The following ADAM12 variants were observed in gnomAD, a reference collection of about 807,000 sequenced individuals.
ADAM12 encodes ADAM metallopeptidase domain 12.
Under a neutral mutation model 106.4 loss-of-function variants are expected in ADAM12, and 70 were observed. The ratio of observed to expected loss-of-function variants is 0.66; its 90% confidence interval spans 0.54 to 0.80. ADAM12 has a LOEUF of 0.80. ADAM12 is among the 30% of genes least tolerant of loss of function. ADAM12 has a pLI of 0.00. For missense variants in ADAM12, 1,010 were observed against 1,171.9 expected, an observed-to-expected ratio of 0.86 and a Z score of 2.02; for synonymous variants, 420 against 433.5, an observed-to-expected ratio of 0.97 and a Z score of 0.39.
At position 126,218,304 on chromosome 10, in the gene ADAM12, G is replaced by A. The variant is rs568664648; in HGVS notation, c.260+60611C>T. Among the ~76,000 whole-genome samples, 16 of 152,178 alleles carry A rather than the reference G, an allele frequency of 1.1e-4. No individual in the cohort carries two copies. The South Asian group carries it at 2.9e-3, about 28-fold the overall frequency. On this transcript the variant is annotated intron_variant, in intron 3 of 22. Coordinates refer to ENST00000448723, the MANE Select transcript of ADAM12 (RefSeq NM_001288973.2). The stretch of plus-strand genomic sequence containing the variant: ...GGCCATCACAGGTAAACATGGACAC[G>A]TATTCCTTCTAACTATGTTGTTCAC...
chr10:126,223,928 T>C (rs74902851), intron 3 of ADAM12, among the ~76,000 whole-genome samples: 2,142 of 152,240 alleles, frequency 0.014, 23 homozygotes, highest in Middle Eastern at 0.034. Flanking sequence ...CCCAGACTTA[T>C]AGATGAGGAA....
chr10:126,240,435 T>G (rs1192645658), intron 3 of ADAM12, among the ~76,000 whole-genome samples: 1 of 152,200 alleles, frequency 6.6e-6, no homozygotes, highest in African/African-American at 2.4e-5. Context: ...GCATTAAGCA[T>G]AGTGGAGGAG....
At chr10:126,270,320 G>C (rs942156747) in intron 3 of ADAM12, among the ~76,000 whole-genome samples, 1 of 152,158 alleles carries the variant, frequency 6.6e-6, no homozygotes, top group South Asian at 2.1e-4. Flanking sequence ...CTGTAGGAAA[G>C]AACATTCCTG....
chr10:126,353,270 T>C (rs1423091819), intron 1 of ADAM12, among the ~76,000 whole-genome samples: 4 of 152,158 alleles, frequency 2.6e-5, no homozygotes, highest in Admixed American at 6.5e-5. Context: ...CTAGGCCAAG[T>C]CCTTGAGGTT....
intron 2 of ADAM12, among the ~76,000 whole-genome samples, chr10:126,280,835 CAA>C (rs1455054209): frequency 6.6e-6 from 1 of 152,056 alleles, no homozygotes. Flanking sequence ...TTTACTCTAG[CAA>C]AAGAGTACAA....
intron 3 of ADAM12, among the ~76,000 whole-genome samples, chr10:126,171,193 T>C (rs1380443): frequency 0.41 from 62,690 of 152,096 alleles, 13,104 homozygotes; most frequent in South Asian, 0.46. Flanking sequence ...TTAAATAGTT[T>C]AGTCAGAATG....
At chr10:126,196,091 G>T (rs1440139950) in intron 3 of ADAM12, among the ~76,000 whole-genome samples, 2 of 152,212 alleles carry the variant, frequency 1.3e-5, no homozygotes, top group African/African-American at 4.8e-5. Context: ...CTGCAACAGA[G>T]ACTGCATGGT....
chr10:126,048,300 G>A (rs1245414071), intron 16 of ADAM12, among the ~76,000 whole-genome samples: 1 of 152,174 alleles, frequency 6.6e-6, no homozygotes, highest in African/African-American at 2.4e-5. Context: ...AAAGTTAAAA[G>A]ACAAAATATG....
chr10:126,163,251 T>C (rs2133746495), intron 3 of ADAM12, among the ~76,000 whole-genome samples: 1 of 152,358 alleles, frequency 6.6e-6, no homozygotes, highest in South Asian at 2.1e-4. Flanking sequence ...CCAGCCATGC[T>C]CAGTGCTGAG....
At chr10:126,212,297 T>C (rs1460670536) in intron 3 of ADAM12, among the ~76,000 whole-genome samples, 1 of 152,222 alleles carries the variant, frequency 6.6e-6, no homozygotes, top group Non-Finnish European at 1.5e-5. Flanking sequence ...TGGGGTTAAT[T>C]AGAATTTGGA....
At chr10:126,198,351 G>T (rs1453096896) in intron 3 of ADAM12, among the ~76,000 whole-genome samples, 1 of 152,198 alleles carries the variant, frequency 6.6e-6, no homozygotes, top group Non-Finnish European at 1.5e-5. Flanking sequence ...TAAGACGACA[G>T]AATTTACACA....
At chr10:126,309,024 T>C (rs1960967110) in intron 2 of ADAM12, among the ~76,000 whole-genome samples, 2 of 152,152 alleles carry the variant, frequency 1.3e-5, no homozygotes, top group South Asian at 2.1e-4. Context: ...AACCCAGAGT[T>C]ATTTTGGGGA....
rs1855476119 is a variant in ADAM12 at position 126,354,645 on chromosome 10, A to G, written c.89-24136T>C. On this transcript the variant is annotated intron_variant, in intron 1 of 22. Transcript: ENST00000448723. ...TAAAAAAATTAGAGCTTTAATGAGA[A>G]AAGATAATGTTTAATGCCAAGAACA... Among the ~76,000 whole-genome samples the G allele has an allele frequency of 1.3e-5, 2 of 152,208 alleles. 1 individual carries two copies. The highest frequency in any genetic ancestry group is 4.1e-4 in the South Asian group (2 of 4,836).
In ADAM12 at chr10:126,049,396, C is replaced by A; in HGVS notation, c.1774G>T (p.Gly592Cys). The A allele has an allele frequency of 1.2e-6, 2 of 1,614,218 alleles. No individual in the cohort carries two copies. Among genetic ancestry groups the A allele is most frequent in the Non-Finnish European group, 1.7e-6 (2 of 1,180,052 alleles). The change falls in exon 16 of 23, where the codon GGT becomes TGT. Residue 592 changes from glycine to cysteine, a missense_variant. By Grantham distance (159) the Gly-to-Cys change is radical. Coordinates refer to ENST00000448723, the MANE Select transcript of ADAM12 (RefSeq NM_001288973.2). This position sits in a 1 kb window ranked among gnomAD's most constrained non-coding sequence, Gnocchi z 4.4. ...CQGGASRPVI[G>C]TNAVSIETNI... ...GTTTCTATGGAAACGGCATTGGTAC[C>A]AATGACTGGCCGGCTGGCACCTCCT...
chr10:126,329,105 C>A (rs1389223563), intron 2 of ADAM12, among the ~76,000 whole-genome samples: 6 of 150,312 alleles, frequency 4.0e-5, no homozygotes, highest in Admixed American at 3.4e-4. Context: ...GTTAAATGTG[C>A]ATTTCAGATA....
intron 3 of ADAM12, among the ~76,000 whole-genome samples, chr10:126,187,751 G>C (rs964902196): frequency 6.6e-6 from 1 of 152,246 alleles, no homozygotes; most frequent in African/African-American, 2.4e-5. Flanking sequence ...GCTGGCCACA[G>C]TGCACAGGTT....
chr10:126,341,531 A>C (rs777266590), intron 1 of ADAM12, among the ~76,000 whole-genome samples: 1 of 152,202 alleles, frequency 6.6e-6, no homozygotes. Flanking sequence ...CCTTATTTAT[A>C]AGCCAGAATT....
intron 11 of ADAM12, among the ~76,000 whole-genome samples, chr10:126,083,804 C>T (rs1194135914): frequency 1.3e-5 from 2 of 152,226 alleles, no homozygotes; most frequent in Non-Finnish European, 2.9e-5. Flanking sequence ...GCCCACTCTG[C>T]CTGCCCAGCG....
intron 3 of ADAM12, among the ~76,000 whole-genome samples, chr10:126,234,226 T>C (rs1407290096): frequency 6.6e-6 from 1 of 151,694 alleles, no homozygotes; most frequent in Non-Finnish European, 1.5e-5. Flanking sequence ...TCATTTCTTC[T>C]TTTTTTTTCT....
Sources: gnomAD v4.1 joint callset for allele counts (sites outside exome capture counted in the v4.1 genomes callset) on GRCh38, gnomAD v4.1.1 for gene constraint, Gnocchi (gnomAD v3.1) non-coding constraint, MANE v1.5 for transcripts, NCBI Gene and HGNC (gene_info 2026-07-23, HGNC 2026-07-21) for gene names.